MCU: variants seen among roughly 807,000 people sequenced by gnomAD.
The protein encoded by MCU is mitochondrial calcium uniporter.
Under a neutral mutation model 45.2 loss-of-function variants are expected in MCU, and 12 were observed. That is an observed-to-expected ratio of 0.27 (90% CI 0.17 to 0.43). The LOEUF is 0.43. Among genes scored for constraint, MCU ranks in the 20% least tolerant of loss-of-function variants. The probability of loss-of-function intolerance (pLI) is 1.00; values close to 1 mark genes in which losing one functional copy is unlikely to be tolerated. For synonymous variants in MCU, 160 were observed against 165.1 expected, an observed-to-expected ratio of 0.97 and a Z score of 0.24; for missense variants, 324 against 436.7, an observed-to-expected ratio of 0.74 and a Z score of 2.30.
intron 1 of MCU, among the ~76,000 whole-genome samples, chr10:72,720,530 C>G (rs1843007548): frequency 6.6e-6 from 1 of 152,192 alleles, no homozygotes; most frequent in Non-Finnish European, 1.5e-5. Flanking sequence ...TTGTTCCTTT[C>G]TCATCATCTC....
chr10:72,865,531 C>A (rs886117291), intron 4 of MCU, among the ~76,000 whole-genome samples: 1 of 151,948 alleles, frequency 6.6e-6, no homozygotes, highest in African/African-American at 2.4e-5. Flanking sequence ...AGTTTGTTTT[C>A]CTTGATTTTA....
At chr10:72,765,311 AG>A (rs1388612162) in intron 1 of MCU, among the ~76,000 whole-genome samples, 1 of 152,190 alleles carries the variant, frequency 6.6e-6, no homozygotes, top group Non-Finnish European at 1.5e-5. Context: ...GTACTATAAA[AG>A]AGGAGATGAT....
At chr10:72,801,900 T>C (rs1239037268) in intron 1 of MCU, among the ~76,000 whole-genome samples, 1 of 152,062 alleles carries the variant, frequency 6.6e-6, no homozygotes, top group Non-Finnish European at 1.5e-5. Flanking sequence ...CTTGAACTCC[T>C]GAGCTCAAGC....
At chr10:72,839,905 T>C (rs1310086716) in intron 2 of MCU, among the ~76,000 whole-genome samples, 1 of 143,278 alleles carries the variant, frequency 7.0e-6, no homozygotes, top group Non-Finnish European at 1.5e-5. Flanking sequence ...CGGAGCTTGC[T>C]GTGAGCTGAG....
intron 1 of MCU, among the ~76,000 whole-genome samples, chr10:72,693,484 A>T (rs1842650967): frequency 6.6e-6 from 1 of 152,152 alleles, no homozygotes; most frequent in Admixed American, 6.6e-5. Context: ...CCTTGTTCTG[A>T]TCATAACTCT....
rs141084608 is a variant in MCU at position 72,709,369 on chromosome 10, T to C, written c.150+17068T>C. On this transcript the variant is annotated intron_variant, in intron 1 of 7. Transcript: ENST00000373053. ...AATACTTTAAAGAAGTATTTAAAGATAGATTGAGTAGAATGGAACAAATAG... is the reference window on the plus strand; with the variant it reads ...AATACTTTAAAGAAGTATTTAAAGACAGATTGAGTAGAATGGAACAAATAG... 3.2e-4 allele frequency among the ~76,000 whole-genome samples: 49 copies of C among 152,354 alleles called. No homozygotes were observed. The East Asian group carries it at 9.4e-3, about 29-fold the overall frequency.
At chr10:72,766,749 G>A (rs1843732954) in intron 1 of MCU, 1 of 152,106 alleles carries the variant, frequency 6.6e-6, no homozygotes, top group Non-Finnish European at 1.5e-5. Flanking sequence ...ATGATTGAAA[G>A]CCAGGTTGTT....
chr10:72,725,105 C>T (rs1415273862), intron 1 of MCU, among the ~76,000 whole-genome samples: 1 of 151,914 alleles, frequency 6.6e-6, no homozygotes, highest in South Asian at 2.1e-4. Flanking sequence ...GCTGGGTCTA[C>T]ATACACACGC....
intron 1 of MCU, among the ~76,000 whole-genome samples, chr10:72,815,426 T>A (rs1016337843): frequency 7.2e-5 from 11 of 152,346 alleles, no homozygotes; most frequent in Admixed American, 6.5e-4. Context: ...CAGGAATAAT[T>A]GATATAGAAC....
At chr10:72,818,111 G>C (rs1394991824) in intron 1 of MCU, among the ~76,000 whole-genome samples, 1 of 152,150 alleles carries the variant, frequency 6.6e-6, no homozygotes, top group Non-Finnish European at 1.5e-5. Flanking sequence ...AACTTAAAAG[G>C]CTTAAACAGT....
chr10:72,803,796 A>G lies in MCU; in HGVS notation c.151-30563A>G, dbSNP rs567449812. Among the ~76,000 whole-genome samples, 22 of 151,610 alleles carry G rather than the reference A, an allele frequency of 1.5e-4. No individual in the cohort carries two copies. The East Asian group carries it at 1.8e-3, about 12-fold the overall frequency. ...TTATTGTTTTTCTGTAAATACTTCA[A>G]TATATTTCTCTGACATGTAAGGGTA... On this transcript the variant is annotated intron_variant, in intron 1 of 7. Transcript: ENST00000373053.
At chr10:72,744,079 A>G (rs1016648076) in intron 1 of MCU, among the ~76,000 whole-genome samples, 1 of 151,362 alleles carries the variant, frequency 6.6e-6, no homozygotes, top group Non-Finnish European at 1.5e-5. Context: ...ATACATAAAT[A>G]TATAAAATAT....
At chr10:72,735,902 T>C (rs1053544835) in intron 1 of MCU, among the ~76,000 whole-genome samples, 4 of 152,164 alleles carry the variant, frequency 2.6e-5, no homozygotes, top group African/African-American at 4.8e-5. Flanking sequence ...GTGTTAATAG[T>C]GGTTGTCTCT....
rs949788155 is a variant in MCU at position 72,757,054 on chromosome 10, A to T, written c.150+64753A>T. On this transcript the variant is annotated intron_variant, in intron 1 of 7. Transcript: ENST00000373053. ...AGAAAAGAACCATACGAAAGTACAT[A>T]AGTGTATGAAAAAGCTACTTAACAT... 5 of 152,048 alleles carry T rather than the reference A, an allele frequency of 3.3e-5. No homozygotes were observed. The South Asian group carries it at 1.0e-3, about 31-fold the overall frequency. The allele number at this position is 152,048 out of a possible 1,614,324, so 9.4% of individuals were successfully genotyped here.
chr10:72,846,339 G>A (rs560516957), intron 2 of MCU, among the ~76,000 whole-genome samples: 4 of 152,228 alleles, frequency 2.6e-5, no homozygotes, highest in Middle Eastern at 3.4e-3. Context: ...CACTGCACGC[G>A]GCCCAATTAA....
chr10:72,729,505 T>C (rs922375634), intron 1 of MCU, among the ~76,000 whole-genome samples: 1 of 152,140 alleles, frequency 6.6e-6, no homozygotes, highest in Non-Finnish European at 1.5e-5. Context: ...TTTATATTCC[T>C]TTTAAAAAAG....
intron 2 of MCU, among the ~76,000 whole-genome samples, chr10:72,835,087 A>G (rs1047005715): frequency 6.6e-6 from 1 of 152,210 alleles, no homozygotes; most frequent in African/African-American, 2.4e-5. Context: ...ATCAGAGCCT[A>G]GACAGAAGGA....
chr10:72,795,374 G>A (rs1293191224), intron 1 of MCU, among the ~76,000 whole-genome samples: 1 of 151,974 alleles, frequency 6.6e-6, no homozygotes, highest in Non-Finnish European at 1.5e-5. Flanking sequence ...TATTGACTCT[G>A]GGTTATCAAG....
chr10:72,701,134 AAGTT>A (rs1421016358), intron 1 of MCU, among the ~76,000 whole-genome samples: 2 of 152,236 alleles, frequency 1.3e-5, no homozygotes, highest in Admixed American at 6.5e-5. Flanking sequence ...AGTTCAGAGA[AAGTT>A]AGTATGACTG....
Sources: gnomAD v4.1 joint callset for allele counts (sites outside exome capture counted in the v4.1 genomes callset) on GRCh38, gnomAD v4.1.1 for gene constraint, MANE v1.5 for transcripts, NCBI Gene and HGNC (gene_info 2026-07-23, HGNC 2026-07-21) for gene names.